Variants in LRRC20 observed in about 807,000 individuals in gnomAD.
LRRC20 encodes leucine-rich repeat-containing protein 20.
Under a neutral mutation model 14.4 loss-of-function variants are expected in LRRC20, and 11 were observed. The observed-to-expected ratio is 0.77, with a 90% CI of 0.48 to 1.27. The LOEUF (loss-of-function observed/expected upper bound fraction) is 1.27, where lower values mean the gene tolerates loss of function less well. Ranked by LOEUF, LRRC20 falls within the 50% of genes most tolerant of loss-of-function variation. LRRC20 has a pLI of 0.00. For synonymous variants in LRRC20, 121 were observed against 107.3 expected (o/e 1.13, Z -0.79); for missense variants, 219 against 251.2 (o/e 0.87, Z 0.87).
At chr10:70,304,470 T>TTTTATATATA (rs1841329290) in intron 4 of LRRC20, among the ~76,000 whole-genome samples, 1 of 113,826 alleles carries the variant, frequency 8.8e-6, no homozygotes, top group South Asian at 2.8e-4. Context: ...GGCCACTTCT[T>TTTTATATATA]TATATATATA....
intron 4 of LRRC20, among the ~76,000 whole-genome samples, chr10:70,304,470 T>TCATATATATATATATATA (rs1841329027): frequency 8.8e-6 from 1 of 113,826 alleles, no homozygotes; most frequent in Non-Finnish European, 1.9e-5. Flanking sequence ...GGCCACTTCT[T>TCATATATATATATATATA]TATATATATA....
At chr10:70,367,724 T>C (rs968677492) in intron 2 of LRRC20, among the ~76,000 whole-genome samples, 1 of 151,936 alleles carries the variant, frequency 6.6e-6, no homozygotes, top group Admixed American at 6.6e-5. Context: ...CAGGGGAGCA[T>C]GAGGTGATAA....
At chr10:70,374,666 G>A (rs1844442328) in intron 2 of LRRC20, among the ~76,000 whole-genome samples, 1 of 152,062 alleles carries the variant, frequency 6.6e-6, no homozygotes, top group African/African-American at 2.4e-5. Context: ...TTGAAGCAGG[G>A]GTAGGTTACT....
chr10:70,330,946 C>G (rs548673501), intron 3 of LRRC20, among the ~76,000 whole-genome samples: 2 of 152,220 alleles, frequency 1.3e-5, no homozygotes, highest in Admixed American at 6.5e-5. Flanking sequence ...TGGCAAAGAG[C>G]CTGACCGGGG....
At chr10:70,304,963 T>A (rs1589933000) in intron 4 of LRRC20, among the ~76,000 whole-genome samples, 1 of 152,266 alleles carries the variant, frequency 6.6e-6, no homozygotes, top group East Asian at 1.9e-4. Context: ...GGCAGGTGGA[T>A]CACCTGAGGT....
intron 3 of LRRC20, among the ~76,000 whole-genome samples, chr10:70,339,402 G>C (rs1014591781): frequency 1.3e-5 from 2 of 152,196 alleles, no homozygotes; most frequent in Non-Finnish European, 2.9e-5. Context: ...TGCCTGTGAG[G>C]AAGGCTCCTG....
chr10:70,353,359 T>G (rs375713376), intron 2 of LRRC20, among the ~76,000 whole-genome samples: 4 of 122,468 alleles, frequency 3.3e-5, no homozygotes, highest in Admixed American at 9.4e-5. Context: ...CAGCTTGTCA[T>G]GCATTAACTC....
At chr10:70,380,995 G>A (rs898427459) in intron 1 of LRRC20, among the ~76,000 whole-genome samples, 2 of 152,330 alleles carry the variant, frequency 1.3e-5, no homozygotes, top group Non-Finnish European at 1.5e-5. Flanking sequence ...TGCACAAAGA[G>A]ATTCAGGAGA....
chr10:70,317,774 G>A (rs575136561), intron 4 of LRRC20, among the ~76,000 whole-genome samples: 10 of 152,180 alleles, frequency 6.6e-5, no homozygotes, highest in South Asian at 2.1e-4. Flanking sequence ...AATCTGCCTC[G>A]TGAGCCCAGA....
chr10:70,379,241 G>C (rs1200185496), intron 1 of LRRC20, among the ~76,000 whole-genome samples: 3 of 152,232 alleles, frequency 2.0e-5, no homozygotes, highest in African/African-American at 7.2e-5. Context: ...CAGGGCAGAA[G>C]GGAATAGAAA....
At chr10:70,305,743 ATT>A (rs34994675) in intron 4 of LRRC20, among the ~76,000 whole-genome samples, 2 of 144,762 alleles carry the variant, frequency 1.4e-5, no homozygotes, top group Non-Finnish European at 3.0e-5. Flanking sequence ...AGATTTGCCA[ATT>A]TTTTTTTTTT....
intron 3 of LRRC20, among the ~76,000 whole-genome samples, chr10:70,334,066 C>T (rs1042243777): frequency 2.0e-5 from 3 of 151,952 alleles, no homozygotes; most frequent in African/African-American, 4.8e-5. Flanking sequence ...AGAAGAATCG[C>T]TTGAACTGGG....
chr10:70,301,131 C>T lies in LRRC20; in HGVS notation c.*223G>A. On this transcript the variant is annotated 3_prime_UTR_variant, in exon 5 of 5. Coordinates refer to ENST00000446961, the MANE Select transcript of LRRC20 (RefSeq NM_001278212.2). Reference sequence around the variant, plus strand: ...TGAGTTTGCACAGCAGCTGTGAGTGCCGAGTCCAGGCTGCAGGCCCCACCT... The same window carrying T: ...TGAGTTTGCACAGCAGCTGTGAGTGTCGAGTCCAGGCTGCAGGCCCCACCT... The T allele has an allele frequency of 1.5e-6, 2 of 1,352,758 alleles. No individual in the cohort carries two copies. The highest frequency in any genetic ancestry group is 3.8e-5 in the South Asian group (2 of 52,356). 83.8% of individuals were successfully genotyped at this position (1,352,758 alleles called of 1,614,324 possible).
At chr10:70,376,398 G>T in intron 2 of LRRC20, 54 bp downstream of exon 2, 1 of 1,555,452 alleles carries the variant, frequency 6.4e-7, no homozygotes, top group Non-Finnish European at 8.9e-7. Flanking sequence ...TCATTTCTAA[G>T]CTGATCTCAC....
At chr10:70,349,998 T>C (rs1359959717) in intron 2 of LRRC20, among the ~76,000 whole-genome samples, 1 of 152,214 alleles carries the variant, frequency 6.6e-6, no homozygotes, top group Non-Finnish European at 1.5e-5. Context: ...AGCCACAGCA[T>C]GAGCAAAGGA....
At chr10:70,341,203 G>A (rs901018221) in intron 2 of LRRC20, among the ~76,000 whole-genome samples, 5 of 152,324 alleles carry the variant, frequency 3.3e-5, no homozygotes, top group African/African-American at 1.2e-4. Context: ...CAGTTGGGAA[G>A]CCACTGTGCA....
At chr10:70,330,956 G>T (rs1387938934) in intron 3 of LRRC20, among the ~76,000 whole-genome samples, 1 of 152,200 alleles carries the variant, frequency 6.6e-6, no homozygotes, top group Non-Finnish European at 1.5e-5. Context: ...CCTGACCGGG[G>T]ACCCGGGGAC....
intron 3 of LRRC20, among the ~76,000 whole-genome samples, chr10:70,339,555 C>T (rs1415295454): frequency 2.0e-5 from 3 of 152,056 alleles, no homozygotes; most frequent in East Asian, 1.9e-4. Flanking sequence ...CTGTGCCCTC[C>T]GCAATTCTCC....
Position 70,300,607 on chromosome 10 carries a change from C to CT in LRRC20, c.*746dup. 1.0e-6 allele frequency: 1 copy of CT among 985,554 alleles called. No homozygotes were observed. The allele number at this position is 985,554 out of a possible 1,614,324, so 61.1% of individuals were successfully genotyped here. A position where few individuals can be genotyped will look rare whatever the true frequency, so the allele number is the denominator to read the frequency against. ...CCTCTCCCGCAGCTCAGGAGTGATG[C>CT]TAGAGGGACGGAGCACTCAGGACTT... is the stretch of plus-strand genomic sequence containing the variant. On this transcript the variant is annotated 3_prime_UTR_variant, in exon 5 of 5. Coordinates refer to ENST00000446961, the MANE Select transcript of LRRC20 (RefSeq NM_001278212.2).
Sources: gnomAD v4.1 joint callset for allele counts (sites outside exome capture counted in the v4.1 genomes callset) on GRCh38, gnomAD v4.1.1 for gene constraint, MANE v1.5 for transcripts, NCBI Gene and HGNC (gene_info 2026-07-23, HGNC 2026-07-21) for gene names.